Variants in SEC14L1 observed in about 807,000 individuals in gnomAD.
SEC14L1 encodes SEC14 like lipid binding 1.
In SEC14L1, 48 loss-of-function variants were observed where a neutral mutation model predicts 85.3. That is an observed-to-expected ratio of 0.56 (90% CI 0.45 to 0.72). SEC14L1 has a LOEUF of 0.72. SEC14L1 is among the 30% of genes least tolerant of loss of function. The probability of loss-of-function intolerance (pLI) is 0.00; values close to 1 mark genes in which losing one functional copy is unlikely to be tolerated. For synonymous variants in SEC14L1, 391 were observed against 355.5 expected (o/e 1.10, Z -1.12); for missense variants, 682 against 921.4 (o/e 0.74, Z 3.36).
chr17:77,145,722 C>T (rs535021230), intron 3 of SEC14L1, among the ~76,000 whole-genome samples: 3 of 152,206 alleles, frequency 2.0e-5, no homozygotes, highest in East Asian at 1.9e-4. Flanking sequence ...CACAGGAATC[C>T]GGGAATTCGA....
chr17:77,133,693 C>T (rs1318174830), intron 3 of SEC14L1, among the ~76,000 whole-genome samples: 1 of 152,104 alleles, frequency 6.6e-6, no homozygotes, highest in Non-Finnish European at 1.5e-5. Context: ...AATCCCAGCA[C>T]TTTGGGAGGC....
intron 8 of SEC14L1, chr17:77,199,176 G>T (rs1243222927): frequency 2.6e-5 from 4 of 152,380 alleles, no homozygotes; most frequent in African/African-American, 9.7e-5. Flanking sequence ...GACTAATTTT[G>T]TATTTTTGGT....
At chr17:77,113,902 T>C (rs980751929) in intron 3 of SEC14L1, among the ~76,000 whole-genome samples, 3 of 152,216 alleles carry the variant, frequency 2.0e-5, no homozygotes, top group Admixed American at 6.5e-5. Context: ...CGCTTCCCTC[T>C]GCAGTACAGC....
intron 3 of SEC14L1, among the ~76,000 whole-genome samples, chr17:77,112,876 A>T (rs1487957714): frequency 2.6e-5 from 4 of 152,032 alleles, no homozygotes; most frequent in Non-Finnish European, 5.9e-5. Flanking sequence ...TCAAAAAAAA[A>T]AAAGAGTACT....
At chr17:77,091,352 T>C (rs1163397180) in intron 2 of SEC14L1, among the ~76,000 whole-genome samples, 3 of 152,128 alleles carry the variant, frequency 2.0e-5, no homozygotes, top group Admixed American at 1.3e-4. Context: ...CCTCCCAAAG[T>C]GCTGGGATTA....
chr17:77,203,585 A>G lies in SEC14L1; in HGVS notation c.1025A>G (p.Tyr342Cys), dbSNP rs1976294729. 1 of 1,613,588 alleles carries G rather than the reference A, an allele frequency of 6.2e-7. No homozygotes were observed. The highest frequency in any genetic ancestry group is 8.5e-7 in the Non-Finnish European group (1 of 1,179,860). Residue 342 changes from tyrosine (Y) to cysteine (C), a missense_variant, in exon 10 of 17, where the codon TAC (tyrosine) becomes TGC (cysteine). By Grantham distance (194) the Tyr-to-Cys change is radical. This residue lies in a region of SEC14L1 where 420 missense variants were observed against 619.5 expected (regional missense o/e 0.68). Coordinates refer to ENST00000436233, the MANE Select transcript of SEC14L1 (RefSeq NM_001143998.2). ...HHHDKDGRPL[Y>C]VLRLGQMDTK... ...TCCTCTGCAGATGGGCGGCCCCTCT[A>G]CGTGCTCAGGCTGGGGCAGATGGAC...
chr17:77,132,533 G>A lies in SEC14L1; in HGVS notation c.-135-10113G>A, dbSNP rs1397173999. ...AGCCACTGCGCCTGGGCAAGTCTGC[G>A]TGCATTAAACACAACCCCCCAGCAT... On this transcript the variant is annotated intron_variant, in intron 3 of 19. Coordinates refer to the SEC14L1 transcript ENST00000392476. Among the ~76,000 whole-genome samples the A allele has an allele frequency of 5.9e-5, 9 of 152,180 alleles. No individual in the cohort carries two copies. In the East Asian group the frequency reaches 1.2e-3, roughly 20 times the overall value.
intron 3 of SEC14L1, among the ~76,000 whole-genome samples, chr17:77,127,345 GTTTTC>G (rs72350761): frequency 0.096 from 14,633 of 151,870 alleles, 1,157 homozygotes; most frequent in African/African-American, 0.23. Flanking sequence ...CAAGGGGTCT[GTTTTC>G]TTTTCTTTTC....
At chr17:77,128,745 C>T (rs1028532564) in intron 3 of SEC14L1, among the ~76,000 whole-genome samples, 5 of 152,122 alleles carry the variant, frequency 3.3e-5, no homozygotes, top group Admixed American at 6.6e-5. Flanking sequence ...TGATTCACCG[C>T]GCCTGGCCAC....
At chr17:77,096,131 A>G (rs1226008913) in intron 3 of SEC14L1, among the ~76,000 whole-genome samples, 1 of 150,182 alleles carries the variant, frequency 6.7e-6, no homozygotes, top group East Asian at 2.0e-4. Context: ...TCCTGGGCTC[A>G]GGTGATCCTC....
chr17:77,143,749 C>A, intron 3 of SEC14L1, 90 bp downstream of exon 3: 1 of 919,772 alleles, frequency 1.1e-6, no homozygotes, highest in Non-Finnish European at 1.7e-6. Context: ...TATTGTTCGT[C>A]TCCATGGCAT....
At chr17:77,191,354 A>G (rs757343697) in intron 5 of SEC14L1, 42 bp downstream of exon 5, 42 of 1,609,612 alleles carry the variant, frequency 2.6e-5, no homozygotes, top group Admixed American at 8.4e-5. Context: ...CTGCCGACAT[A>G]TGGCTTCTGA....
chr17:77,132,076 C>T (rs1306873229), intron 3 of SEC14L1, among the ~76,000 whole-genome samples: 1 of 152,154 alleles, frequency 6.6e-6, no homozygotes, highest in Non-Finnish European at 1.5e-5. Context: ...TGTAGGGTAA[C>T]CTACATTTTC....
intron 3 of SEC14L1, chr17:77,094,967 A>G (rs1971605578): frequency 6.6e-6 from 1 of 152,242 alleles, no homozygotes; most frequent in African/African-American, 2.4e-5. Context: ...CATTTCTGGA[A>G]TAAACCACTT....
intron 13 of SEC14L1, among the ~76,000 whole-genome samples, chr17:77,207,477 A>G (rs376738774): frequency 1.3e-5 from 2 of 149,542 alleles, no homozygotes; most frequent in Admixed American, 6.6e-5. Context: ...CTTGAGATGG[A>G]GTCTTGCTCT....
At chr17:77,128,761 G>A (rs1040345075) in intron 3 of SEC14L1, among the ~76,000 whole-genome samples, 1 of 151,968 alleles carries the variant, frequency 6.6e-6, no homozygotes, top group Non-Finnish European at 1.5e-5. Flanking sequence ...GCCACGCTTG[G>A]GCATTTTAAA....
In SEC14L1 at chr17:77,206,901, A is replaced by G; in HGVS notation, c.1476+39A>G. 1.4e-6 allele frequency: 2 copies of G among 1,473,414 alleles called. No individual in the cohort carries two copies. The highest frequency in any genetic ancestry group is 2.5e-5 in the East Asian group (1 of 40,804). The allele number at this position is 1,473,414 out of a possible 1,614,324, so 91.3% of individuals were successfully genotyped here. ...CGAGGAACTGCACATTTGGCCCCTT[A>G]TGCAGGTGGGAGAGGTCGGTGTCGA... On this transcript the variant is annotated intron_variant, in intron 13 of 16. Coordinates refer to ENST00000436233, the MANE Select transcript of SEC14L1 (RefSeq NM_001143998.2). The surrounding 1 kb of genome is among the most constrained non-coding windows in gnomAD (Gnocchi z 4.3).
chr17:77,193,457 C>T lies in SEC14L1; in HGVS notation c.382C>T (p.Gln128Ter). Residue 128 changes from glutamine (Q) to a stop codon, truncating the protein, a stop_gained, in exon 6 of 17, where the codon CAG (glutamine) becomes TAG (stop). Coordinates refer to ENST00000436233, the MANE Select transcript of SEC14L1 (RefSeq NM_001143998.2). LOFTEE classifies it high-confidence loss of function. Reference sequence around the variant, plus strand: ...AAATGAAGATTGGACCTGTTTTGAACAGTCTGCAAGTTTAGATATTAAATC... The same window carrying T: ...AAATGAAGATTGGACCTGTTTTGAATAGTCTGCAAGTTTAGATATTAAATC... The part of the protein sequence containing the change: ...PENEDWTCFE[Q>*]SASLDIKSFF... 1 of 1,611,506 alleles carries T rather than the reference C, an allele frequency of 6.2e-7. No individual in the cohort carries two copies. Among genetic ancestry groups the T allele is most frequent in the Admixed American group, 1.7e-5 (1 of 59,844 alleles).
chr17:77,148,918 T>C (rs1051206615), intron 3 of SEC14L1, among the ~76,000 whole-genome samples: 4 of 152,272 alleles, frequency 2.6e-5, no homozygotes, highest in Non-Finnish European at 5.9e-5. Context: ...TTCATAATTA[T>C]GCACACTTCC....
Sources: gnomAD v4.1 joint callset for allele counts (sites outside exome capture counted in the v4.1 genomes callset) on GRCh38, gnomAD v4.1.1 for gene constraint, gnomAD v4.1.1 regional missense constraint, Gnocchi (gnomAD v3.1) non-coding constraint, MANE v1.5 for transcripts, NCBI Gene and HGNC (gene_info 2026-07-23, HGNC 2026-07-21) for gene names.